The following MECOM variants were observed in gnomAD, a reference collection of about 807,000 sequenced individuals.
MECOM encodes the protein histone-lysine N-methyltransferase MECOM.
MECOM carries 13 observed loss-of-function variants against 116.3 expected under a neutral mutation model. The observed-to-expected ratio is 0.11, with a 90% confidence interval of 0.07 to 0.18. The LOEUF is 0.18. Ranked by LOEUF, MECOM falls within the 10% of genes least tolerant of loss-of-function variation. MECOM has a pLI of 1.00. For synonymous variants in MECOM, 528 were observed against 535.2 expected, an observed-to-expected ratio of 0.99 and a Z score of 0.19; for missense variants, 1,299 against 1,509.0, an observed-to-expected ratio of 0.86 and a Z score of 2.31.
At chr3:169,167,520 A>G (rs1176883829) in intron 2 of MECOM, among the ~76,000 whole-genome samples, 1 of 152,248 alleles carries the variant, frequency 6.6e-6, no homozygotes, top group Non-Finnish European at 1.5e-5. Flanking sequence ...GGTTCTACAC[A>G]ATAAACAACT....
At chr3:169,541,997 T>C (rs1247586146) in intron 1 of MECOM, among the ~76,000 whole-genome samples, 1 of 152,192 alleles carries the variant, frequency 6.6e-6, no homozygotes, top group East Asian at 1.9e-4. Flanking sequence ...ATAAATGTTC[T>C]TGTATTACTA....
intron 1 of MECOM, among the ~76,000 whole-genome samples, chr3:169,449,777 C>G (rs909844826): frequency 1.3e-5 from 2 of 152,100 alleles, no homozygotes; most frequent in Non-Finnish European, 2.9e-5. Context: ...AAAAGAAATA[C>G]AATGAAACCA....
In MECOM at chr3:169,565,285, T is replaced by G. The variant is rs576219289; in HGVS notation, c.37+98051A>C. On this transcript the variant is annotated intron_variant, in intron 1 of 16. Transcript: ENST00000651503. ...GAATATGACTGTAAGGCCTATCTAC[T>G]TTGGAGCATCCTGGAGAATGGTGTC... Among the ~76,000 whole-genome samples, 5 of 152,306 alleles carry G rather than the reference T, an allele frequency of 3.3e-5. No homozygotes were observed. The East Asian group carries it at 9.7e-4, about 29-fold the overall frequency.
At chr3:169,407,533 G>C (rs552823949) in intron 1 of MECOM, among the ~76,000 whole-genome samples, 5 of 152,188 alleles carry the variant, frequency 3.3e-5, no homozygotes, top group South Asian at 4.1e-4. Flanking sequence ...TGTAAGGAAA[G>C]TAAAAATCGA....
intron 1 of MECOM, among the ~76,000 whole-genome samples, chr3:169,598,826 C>T (rs1767469833): frequency 6.6e-6 from 1 of 152,004 alleles, no homozygotes; most frequent in African/African-American, 2.4e-5. Context: ...AAAATGGATC[C>T]AAATGAGGCC....
At chr3:169,226,837 T>C (rs1312287272) in intron 2 of MECOM, among the ~76,000 whole-genome samples, 1 of 152,234 alleles carries the variant, frequency 6.6e-6, no homozygotes, top group Non-Finnish European at 1.5e-5. Flanking sequence ...AGCAGTTCTA[T>C]TTCTCCCATG....
At chr3:169,224,307 G>A (rs1324484196) in intron 2 of MECOM, among the ~76,000 whole-genome samples, 1 of 152,196 alleles carries the variant, frequency 6.6e-6, no homozygotes, top group Non-Finnish European at 1.5e-5. Context: ...CAGTGATAGA[G>A]CATGCAATAC....
intron 2 of MECOM, among the ~76,000 whole-genome samples, chr3:169,299,243 T>C (rs1022430580): frequency 5.3e-5 from 8 of 151,886 alleles, no homozygotes; most frequent in African/African-American, 1.9e-4. Flanking sequence ...AGACAGATGG[T>C]TCAAAAAGCA....
At chr3:169,600,065 G>A (rs1767643639) in intron 1 of MECOM, among the ~76,000 whole-genome samples, 1 of 152,034 alleles carries the variant, frequency 6.6e-6, no homozygotes, top group African/African-American at 2.4e-5. Context: ...TCCACTTCCT[G>A]GACTCAAGCC....
chr3:169,092,895 G>A, intron 14 of MECOM, 63 bp downstream of exon 14: 3 of 1,596,498 alleles, frequency 1.9e-6, no homozygotes, highest in Non-Finnish European at 2.6e-6. Context: ...AGCATAGCAA[G>A]TATATTTTAA....
At chr3:169,213,738 C>T (rs796290086) in intron 2 of MECOM, among the ~76,000 whole-genome samples, 11 of 152,126 alleles carry the variant, frequency 7.2e-5, no homozygotes, top group African/African-American at 2.6e-4. Context: ...GAATATTTTA[C>T]CAATAATACA....
At chr3:169,330,419 T>C (rs1026697074) in intron 2 of MECOM, among the ~76,000 whole-genome samples, 1 of 152,192 alleles carries the variant, frequency 6.6e-6, no homozygotes, top group Non-Finnish European at 1.5e-5. Context: ...GGAGCTCAGA[T>C]AACTATTATT....
intron 2 of MECOM, among the ~76,000 whole-genome samples, chr3:169,195,481 A>T (rs547659129): frequency 1.3e-5 from 2 of 152,216 alleles, no homozygotes; most frequent in East Asian, 3.9e-4. Flanking sequence ...TATAACGGAA[A>T]AAGGTGATAA....
At chr3:169,287,626 G>T (rs764633671) in intron 2 of MECOM, among the ~76,000 whole-genome samples, 1 of 152,088 alleles carries the variant, frequency 6.6e-6, no homozygotes, top group Non-Finnish European at 1.5e-5. Flanking sequence ...CATGAAGCTG[G>T]TGTTCAAATC....
At chr3:169,499,341 ACC>A (rs1754233628) in intron 1 of MECOM, among the ~76,000 whole-genome samples, 4 of 101,946 alleles carry the variant, frequency 3.9e-5, no homozygotes, top group Non-Finnish European at 5.8e-5. Context: ...AAGACAGATT[ACC>A]CACAAAAAAA....
intron 12 of MECOM, among the ~76,000 whole-genome samples, chr3:169,098,769 C>T (rs947599363): frequency 3.3e-5 from 5 of 151,966 alleles, no homozygotes; most frequent in African/African-American, 1.2e-4. Flanking sequence ...TTTGGGTGGT[C>T]CTCCTGCCCC....
chr3:169,608,992 C>T (rs1449932454), intron 1 of MECOM, among the ~76,000 whole-genome samples: 1 of 152,068 alleles, frequency 6.6e-6, no homozygotes, highest in Non-Finnish European at 1.5e-5. Flanking sequence ...GCCATCTCAC[C>T]CGCACCAAAC....
At position 169,627,307 on chromosome 3, in the gene MECOM, G is replaced by A. The variant is rs948635828; in HGVS notation, c.37+36029C>T. Among the ~76,000 whole-genome samples the A allele has an allele frequency of 3.3e-5, 5 of 152,196 alleles. No individual in the cohort carries two copies. The East Asian group carries it at 5.8e-4, about 18-fold the overall frequency. Reference sequence around the variant, plus strand: ...AGCCTCAGAGAAATGAGGCAGCAGCGAAAAGCCATCTGCTGCCAAGATACA... The same window carrying A: ...AGCCTCAGAGAAATGAGGCAGCAGCAAAAAGCCATCTGCTGCCAAGATACA... On this transcript the variant is annotated intron_variant, in intron 1 of 16. Coordinates refer to ENST00000651503, the MANE Select transcript of MECOM (RefSeq NM_004991.4).
chr3:169,482,479 C>T lies in MECOM; in HGVS notation c.38-100955G>A, dbSNP rs533679169. ...CCCGAGTAGCTGGGACCTGTACAGG[C>T]GCCCGCCACCACGCCCGGCTAATTT... On this transcript the variant is annotated intron_variant, in intron 1 of 16. Transcript: ENST00000651503. Among the ~76,000 whole-genome samples the T allele has an allele frequency of 1.6e-3, 245 of 152,034 alleles. 2 individuals carry two copies. The highest frequency in any genetic ancestry group is 5.7e-3 in the African/African-American group (236 of 41,468).
Sources: allele counts gnomAD v4.1 joint callset (sites outside exome capture counted in the v4.1 genomes callset), GRCh38; gene constraint gnomAD v4.1.1; transcripts MANE v1.5; gene names NCBI Gene and HGNC (gene_info 2026-07-23, HGNC 2026-07-21).